Variants in KCNQ1 observed in about 807,000 individuals in gnomAD.
KCNQ1 encodes potassium voltage-gated channel subfamily KQT member 1.
In KCNQ1, 49 loss-of-function variants were observed where a neutral mutation model predicts 72.4. That is an observed-to-expected ratio of 0.68 (90% CI 0.54 to 0.86). KCNQ1 has a LOEUF of 0.86. Ranked by LOEUF, KCNQ1 falls within the 40% of genes least tolerant of loss-of-function variation. KCNQ1 has a pLI of 0.00. For missense variants in KCNQ1, 790 were observed against 945.1 expected (o/e 0.84, Z 2.15); for synonymous variants, 450 against 412.6 (o/e 1.09, Z -1.10).
In KCNQ1 at chr11:2,494,535, T is replaced by C. The variant is rs1320569566; in HGVS notation, c.387-33393T>C. On this transcript the variant is annotated intron_variant, in intron 1 of 15. Transcript: ENST00000155840. This position sits in a 1 kb window ranked among gnomAD's most constrained non-coding sequence, Gnocchi z 4.6. The stretch of plus-strand genomic sequence containing the variant: ...AGATATGTTCCATCAATTCCTAGTT[T>C]ATTGAGAGTTTTTGGCATGAAGGGA... 6.6e-6 allele frequency among the ~76,000 whole-genome samples: 1 copy of C among 152,208 alleles called. No homozygotes were observed. The highest frequency in any genetic ancestry group is 1.5e-5 in the Non-Finnish European group (1 of 68,048).
intron 2 of KCNQ1, among the ~76,000 whole-genome samples, chr11:2,552,218 T>G (rs902124259): frequency 6.6e-6 from 1 of 152,196 alleles, no homozygotes; most frequent in Non-Finnish European, 1.5e-5. Context: ...TCTGTAGAAA[T>G]TTTATAGTTT....
intron 11 of KCNQ1, among the ~76,000 whole-genome samples, chr11:2,765,348 C>A (rs1318977705): frequency 2.0e-5 from 3 of 152,120 alleles, no homozygotes; most frequent in African/African-American, 4.8e-5. Flanking sequence ...GTACTGTAGT[C>A]AGAGAGCATA....
At chr11:2,701,358 G>A (rs763676396) in intron 11 of KCNQ1, among the ~76,000 whole-genome samples, 1 of 152,158 alleles carries the variant, frequency 6.6e-6, no homozygotes, top group Non-Finnish European at 1.5e-5. Flanking sequence ...CAGGCAATCT[G>A]GGCACAAGTG....
At chr11:2,505,312 C>G (rs1847084998) in intron 1 of KCNQ1, among the ~76,000 whole-genome samples, 1 of 152,082 alleles carries the variant, frequency 6.6e-6, no homozygotes, top group Non-Finnish European at 1.5e-5. Flanking sequence ...TTATTGATTT[C>G]TAAGCTTATC....
intron 10 of KCNQ1, among the ~76,000 whole-genome samples, chr11:2,604,681 A>G (rs1393015898): frequency 6.6e-6 from 1 of 151,644 alleles, no homozygotes; most frequent in Non-Finnish European, 1.5e-5. Context: ...AGTAGCTGGG[A>G]TTACAGGCAC....
chr11:2,776,813 C>A (rs947194387), intron 13 of KCNQ1, among the ~76,000 whole-genome samples, 173 bp from the exon 14 acceptor site: 9 of 152,172 alleles, frequency 5.9e-5, no homozygotes, highest in African/African-American at 1.7e-4. Flanking sequence ...GGGAGCATGG[C>A]CCTCTGGGGG....
At chr11:2,689,738 C>A in intron 11 of KCNQ1, 1 of 398,652 alleles carries the variant, frequency 2.5e-6, no homozygotes, top group South Asian at 1.3e-4. Context: ...GAGACTTAGT[C>A]TCATTTGTTT....
chr11:2,583,593 G>A, intron 7 of KCNQ1, 48 bp downstream of exon 7: 1 of 1,330,990 alleles, frequency 7.5e-7, no homozygotes, highest in Non-Finnish European at 1.1e-6. Flanking sequence ...GACAGCTGGG[G>A]TCCTGGGGTG....
intron 11 of KCNQ1, chr11:2,675,459 A>G (rs892644870): frequency 2.0e-5 from 8 of 398,582 alleles, no homozygotes; most frequent in Non-Finnish European, 3.1e-5. Context: ...TGAAAATGGA[A>G]AAAAGTTACA....
chr11:2,528,013 T>G lies in KCNQ1; in HGVS notation c.472T>G (p.Trp158Gly). The G allele has an allele frequency of 6.2e-7, 1 of 1,612,586 alleles. No homozygotes were observed. The highest frequency in any genetic ancestry group is 8.5e-7 in the Non-Finnish European group (1 of 1,178,954). Residue 158 changes from tryptophan (W) to glycine (G), a missense_variant, in exon 2 of 16, where the codon TGG becomes GGG. Physicochemically the swap from Trp to Gly is radical, Grantham distance 184 (BLOSUM62 -2). This residue lies in a region of KCNQ1 where 294 missense variants were observed against 323.3 expected (regional missense o/e 0.91). Transcript: ENST00000155840. ...YAALATGTLF[W>G]MEIVLVVFFG... ...CGCCCTGGCCACGGGGACTCTCTTCTGGATGGTACGTAGCATCTGAGGGCA... is the reference window on the plus strand; with the variant it reads ...CGCCCTGGCCACGGGGACTCTCTTCGGGATGGTACGTAGCATCTGAGGGCA...
rs75083882 is a variant in KCNQ1, at chr11:2,621,729, T to C, written c.1393+32875T>C. The C allele has an allele frequency of 5.4e-4, 214 of 398,454 alleles. No individual in the cohort carries two copies. In the East Asian group the frequency reaches 7.5e-3, roughly 14 times the overall value. The allele number at this position is 398,454 out of a possible 1,614,324, so 24.7% of individuals were successfully genotyped here. The stretch of plus-strand genomic sequence containing the variant: ...TATTTCTGAAGTACCTGTTGTAATA[T>C]ATTCTCCATTTTCATTTCTGATTTT... On this transcript the variant is annotated intron_variant, in intron 10 of 15. Coordinates refer to ENST00000155840, the MANE Select transcript of KCNQ1 (RefSeq NM_000218.3). The surrounding 1 kb of genome is among the most constrained non-coding windows in gnomAD (Gnocchi z 5.7).
chr11:2,678,164 TAA>T lies in KCNQ1; in HGVS notation c.1514+16084_1514+16085del. ...TCCTTAGGTGTTTTGGCTTTTTCTA[TAA>T]TATTTTTCTGGTGGCAGAATTTTTT... On this transcript the variant is annotated intron_variant, in intron 11 of 15. Coordinates refer to ENST00000155840, the MANE Select transcript of KCNQ1 (RefSeq NM_000218.3). The surrounding 1 kb of genome is among the most constrained non-coding windows in gnomAD (Gnocchi z 4.9). 1 of 398,356 alleles carries T rather than the reference TAA, an allele frequency of 2.5e-6. No individual in the cohort carries two copies. The highest frequency in any genetic ancestry group is 4.4e-6 in the Non-Finnish European group (1 of 225,954). 24.7% of individuals were successfully genotyped at this position (398,356 alleles called of 1,614,324 possible).
chr11:2,583,625 G>C, intron 7 of KCNQ1, 80 bp downstream of exon 7: 1 of 946,278 alleles, frequency 1.1e-6, no homozygotes. Flanking sequence ...CTCCCTGTGA[G>C]CAGACCCACT....
chr11:2,646,184 C>G (rs1849662719), intron 10 of KCNQ1: 1 of 398,614 alleles, frequency 2.5e-6, no homozygotes, highest in Middle Eastern at 6.3e-4. Flanking sequence ...CTGTGGTTAC[C>G]TACTTGCTAT....
rs1847859190 is a variant in KCNQ1 at position 2,543,623 on chromosome 11, A to G, written c.477+15605A>G. ...CATTTTCAATTTTATGAAGTCAAAT[A>G]TAGCTTTTTCCTTTTAAATATGTTT... On this transcript the variant is annotated intron_variant, in intron 2 of 15. Transcript: ENST00000155840. This position sits in a 1 kb window ranked among gnomAD's most constrained non-coding sequence, Gnocchi z 5.6. Among the ~76,000 whole-genome samples the G allele has an allele frequency of 6.6e-6, 1 of 152,256 alleles. No individual in the cohort carries two copies. The highest frequency in any genetic ancestry group is 2.1e-4 in the South Asian group (1 of 4,834).
rs532475040 is a variant in KCNQ1 at position 2,791,301 on chromosome 11, G to C, written c.1794+13264G>C. ...CGACAGCATCAATTGCGGGAGTCCG[G>C]CTGGGCTGGCCGCCTGCAGGGGCCA... On this transcript the variant is annotated intron_variant, in intron 15 of 15. Coordinates refer to ENST00000155840, the MANE Select transcript of KCNQ1 (RefSeq NM_000218.3). 1.9e-4 allele frequency among the ~76,000 whole-genome samples: 29 copies of C among 152,316 alleles called. No homozygotes were observed. In the South Asian group the frequency reaches 5.4e-3, roughly 28 times the overall value.
intron 1 of KCNQ1, among the ~76,000 whole-genome samples, chr11:2,474,566 C>T (rs1042578191): frequency 2.6e-5 from 4 of 152,188 alleles, no homozygotes; most frequent in African/African-American, 9.7e-5. Context: ...GGAGGGGCAG[C>T]GGTGGAGCCC....
chr11:2,846,617 G>T (rs1380990919), intron 15 of KCNQ1, among the ~76,000 whole-genome samples: 17 of 152,224 alleles, frequency 1.1e-4, no homozygotes, highest in Non-Finnish European at 2.9e-5. Context: ...CCTGGGGTTG[G>T]CCCTGCTCCA....
At chr11:2,737,077 C>G (rs1845970986) in intron 11 of KCNQ1, among the ~76,000 whole-genome samples, 1 of 152,182 alleles carries the variant, frequency 6.6e-6, no homozygotes, top group Non-Finnish European at 1.5e-5. Flanking sequence ...ATTAGTGGGT[C>G]CAGAAGAGAT....
Sources: gnomAD v4.1 joint callset for allele counts (sites outside exome capture counted in the v4.1 genomes callset) on GRCh38, gnomAD v4.1.1 for gene constraint, gnomAD v4.1.1 regional missense constraint, Gnocchi (gnomAD v3.1) non-coding constraint, MANE v1.5 for transcripts, NCBI Gene and HGNC (gene_info 2026-07-23, HGNC 2026-07-21) for gene names.